Variants in SRSF4 observed in about 807,000 individuals in gnomAD.
SRSF4 encodes serine and arginine rich splicing factor 4.
Under a neutral mutation model 48.8 loss-of-function variants are expected in SRSF4, and 12 were observed. The observed-to-expected ratio is 0.25, with a 90% CI of 0.16 to 0.40. SRSF4 has a LOEUF of 0.40. Ranked by LOEUF, SRSF4 falls within the 10% of genes least tolerant of loss-of-function variation. The pLI is 1.00. For missense variants in SRSF4, 466 were observed against 667.1 expected (o/e 0.70, Z 3.32); for synonymous variants, 248 against 232.5 (o/e 1.07, Z -0.61).
intron 5 of SRSF4, among the ~76,000 whole-genome samples, 154 bp from the exon 6 acceptor site, chr1:29,149,380 A>G (rs894271305): frequency 6.6e-6 from 1 of 152,262 alleles, no homozygotes; most frequent in Non-Finnish European, 1.5e-5. Flanking sequence ...CACAATGCCA[A>G]TCAGAAGCTG....
chr1:29,158,148 G>A (rs1672529541), intron 3 of SRSF4, among the ~76,000 whole-genome samples: 1 of 150,034 alleles, frequency 6.7e-6, no homozygotes, highest in African/African-American at 2.5e-5. Flanking sequence ...CAGCCTAGGC[G>A]AAAGGGCGAG....
In SRSF4 at chr1:29,155,753, A is replaced by G. The variant is rs564223883; in HGVS notation, c.364-843T>C. ...GGCAATCCACCTGCCTCAGCCTCCCAAAGTGCTAGGATTATAGGCATGGGT... is the reference window on the plus strand; with the variant it reads ...GGCAATCCACCTGCCTCAGCCTCCCGAAGTGCTAGGATTATAGGCATGGGT... On this transcript the variant is annotated intron_variant, in intron 3 of 5. Coordinates refer to ENST00000373795, the MANE Select transcript of SRSF4 (RefSeq NM_005626.5). 2.6e-5 allele frequency among the ~76,000 whole-genome samples: 4 copies of G among 152,294 alleles called. No individual in the cohort carries two copies. The South Asian group carries it at 8.3e-4, about 32-fold the overall frequency.
At chr1:29,163,553 T>TAATTTC (rs2151817272) in intron 1 of SRSF4, among the ~76,000 whole-genome samples, 1 of 152,332 alleles carries the variant, frequency 6.6e-6, no homozygotes, top group East Asian at 1.9e-4. Context: ...AAGAATGACT[T>TAATTTC]AATTTCATTC....
At position 29,179,820 on chromosome 1, in the gene SRSF4, G is replaced by A. The variant is rs536118721; in HGVS notation, c.107+1826C>T. Among the ~76,000 whole-genome samples, 8 of 152,224 alleles carry A rather than the reference G, an allele frequency of 5.3e-5. No homozygotes were observed. In the Middle Eastern group the frequency reaches 0.01, roughly 194 times the overall value. ...ATGTCATAATGCTTAATTTATTCAA[G>A]AGCAGAACTGTTTTCTGCCTCCTCC... On this transcript the variant is annotated intron_variant, in intron 1 of 5. Transcript: ENST00000373795.
chr1:29,156,388 A>G (rs1254489381), intron 3 of SRSF4, among the ~76,000 whole-genome samples: 1 of 151,918 alleles, frequency 6.6e-6, no homozygotes, highest in African/African-American at 2.4e-5. Context: ...TAAACTACTA[A>G]TATCCCCTAA....
chr1:29,149,396 A>C (rs571757918), intron 5 of SRSF4, among the ~76,000 whole-genome samples, 170 bp from the exon 6 acceptor site: 2 of 152,118 alleles, frequency 1.3e-5, no homozygotes, highest in Non-Finnish European at 2.9e-5. Flanking sequence ...AGCTGGAAAA[A>C]CTGGCCAGGT....
intron 1 of SRSF4, among the ~76,000 whole-genome samples, chr1:29,163,088 T>C (rs991848351): frequency 3.9e-5 from 6 of 152,230 alleles, no homozygotes; most frequent in Non-Finnish European, 8.8e-5. Flanking sequence ...CAGATGAATC[T>C]TTCTTTGCAA....
chr1:29,167,773 A>G (rs775478782), intron 1 of SRSF4, among the ~76,000 whole-genome samples: 5 of 152,250 alleles, frequency 3.3e-5, no homozygotes, highest in East Asian at 3.8e-4. Context: ...ACGAAGGCTA[A>G]TATCTGTTGG....
intron 5 of SRSF4, 127 bp from the exon 6 acceptor site, chr1:29,149,353 A>G: frequency 8.2e-7 from 1 of 1,220,192 alleles, no homozygotes; most frequent in Non-Finnish European, 1.1e-6. Flanking sequence ...CTGGCTGAGG[A>G]TTGTTTTCTG....
intron 3 of SRSF4, among the ~76,000 whole-genome samples, chr1:29,155,549 G>C (rs1468714217): frequency 2.0e-5 from 3 of 152,200 alleles, no homozygotes; most frequent in African/African-American, 7.2e-5. Flanking sequence ...CTGGAGTGCA[G>C]TGATGTGACC....
At chr1:29,151,192 A>C (rs1386466141) in intron 4 of SRSF4, among the ~76,000 whole-genome samples, 1 of 152,222 alleles carries the variant, frequency 6.6e-6, no homozygotes, top group African/African-American at 2.4e-5. Context: ...TCACCTATGA[A>C]GTATTCTTGC....
chr1:29,158,121 A>T (rs1316286972), intron 3 of SRSF4, among the ~76,000 whole-genome samples: 1 of 151,766 alleles, frequency 6.6e-6, no homozygotes, highest in Non-Finnish European at 1.5e-5. Context: ...GTGAGCTGAG[A>T]TGGCGCCACT....
chr1:29,149,181 A>ACTCTGG lies in SRSF4; in HGVS notation c.708_713dup (p.Gln237_Ser238dup), dbSNP rs773771473. ...TTTTCTCTTTCTTGCTCCGGCTCCG[A>ACTCTGG]CTCTGGCTCCGGCTCCGGCTCTTGC... On this transcript the variant is annotated inframe_insertion, in exon 6 of 6. Coordinates refer to ENST00000373795, the MANE Select transcript of SRSF4 (RefSeq NM_005626.5). 8 of 1,609,224 alleles carry ACTCTGG rather than the reference A, an allele frequency of 5.0e-6. No individual in the cohort carries two copies. The highest frequency in any genetic ancestry group is 2.7e-5 in the African/African-American group (2 of 74,156).
At chr1:29,149,583 A>T (rs750157404) in intron 5 of SRSF4, among the ~76,000 whole-genome samples, 105 of 150,892 alleles carry the variant, frequency 7.0e-4, no homozygotes, top group Non-Finnish European at 1.4e-3. Context: ...CAGGAGGCTG[A>T]GGCAGGAGAA....
chr1:29,153,834 C>G (rs1672454596), intron 4 of SRSF4, among the ~76,000 whole-genome samples: 1 of 152,052 alleles, frequency 6.6e-6, no homozygotes, highest in Non-Finnish European at 1.5e-5. Context: ...CTCCTGACCT[C>G]AGGTGATCTG....
chr1:29,159,006 C>A (rs1459836874), intron 3 of SRSF4, among the ~76,000 whole-genome samples: 4 of 151,936 alleles, frequency 2.6e-5, no homozygotes, highest in African/African-American at 9.7e-5. Flanking sequence ...ACTCAGGAAG[C>A]TGAGATGGAG....
At chr1:29,152,625 T>C (rs965514136) in intron 4 of SRSF4, among the ~76,000 whole-genome samples, 1 of 152,060 alleles carries the variant, frequency 6.6e-6, no homozygotes, top group Non-Finnish European at 1.5e-5. Flanking sequence ...GTTAGATAGA[T>C]AGGCATTTTC....
rs1202512195 is a variant in SRSF4 at position 29,148,524 on chromosome 1, T to G, written c.1371A>C (p.Glu457Asp). ...AAGCTGACTTTGATCTGGAGCGTGA[T>G]TCTGATGGAAGGTTTGGTTTCGATT... The part of the protein sequence containing the change: ...NSKSKPNLPS[E>D]SRSRSKSASK... Residue 457 changes from glutamate to aspartate, a missense_variant, in exon 6 of 6, where the codon GAA becomes GAC. By Grantham distance (45) the Glu-to-Asp change is conservative (BLOSUM62 2). This residue lies in a region of SRSF4 where 402 missense variants were observed against 437.0 expected (regional missense o/e 0.92). Coordinates refer to ENST00000373795, the MANE Select transcript of SRSF4 (RefSeq NM_005626.5). 1.9e-6 allele frequency: 3 copies of G among 1,614,082 alleles called. No homozygotes were observed. Among genetic ancestry groups the G allele is most frequent in the Non-Finnish European group, 2.5e-6 (3 of 1,180,032 alleles).
chr1:29,158,440 T>A (rs996992509), intron 3 of SRSF4, among the ~76,000 whole-genome samples: 4 of 151,644 alleles, frequency 2.6e-5, no homozygotes, highest in Admixed American at 2.6e-4. Context: ...ACCCTTTTTT[T>A]TTTTTTTGAG....
Sources: allele counts gnomAD v4.1 joint callset (sites outside exome capture counted in the v4.1 genomes callset), GRCh38; gene constraint gnomAD v4.1.1; regional missense constraint gnomAD v4.1.1; transcripts MANE v1.5; gene names NCBI Gene and HGNC (gene_info 2026-07-23, HGNC 2026-07-21).